PLCL1: variants seen among roughly 807,000 people sequenced by gnomAD.
The protein encoded by PLCL1 is inactive phospholipase C-like protein 1.
PLCL1 carries 41 observed loss-of-function variants against 84.4 expected under a neutral mutation model. That is an observed-to-expected ratio of 0.49 (90% CI 0.38 to 0.63). PLCL1 has a LOEUF of 0.63. Among genes scored for constraint, PLCL1 ranks in the 30% least tolerant of loss-of-function variants. PLCL1 has a pLI of 0.00. For synonymous variants in PLCL1, 490 were observed against 488.3 expected (o/e 1.00, Z -0.05); for missense variants, 1,206 against 1,367.8 (o/e 0.88, Z 1.87).
intron 1 of PLCL1, among the ~76,000 whole-genome samples, chr2:197,816,832 T>C (rs1262628719): frequency 6.6e-6 from 1 of 152,184 alleles, no homozygotes; most frequent in African/African-American, 2.4e-5. Flanking sequence ...GGAACATGTT[T>C]AATATTTGTT....
intron 5 of PLCL1, among the ~76,000 whole-genome samples, chr2:198,108,652 A>G (rs1693547051): frequency 1.3e-5 from 2 of 152,066 alleles, no homozygotes; most frequent in South Asian, 2.1e-4. Context: ...AATATAATGA[A>G]TAAGAATTAT....
At chr2:198,028,564 T>TGACATTTTTCCCC (rs1008083231) in intron 1 of PLCL1, among the ~76,000 whole-genome samples, 4 of 152,216 alleles carry the variant, frequency 2.6e-5, no homozygotes, top group African/African-American at 9.6e-5. Context: ...TCCTTTTCTC[T>TGACATTTTTCCCC]GACATTTTTC....
At chr2:198,144,386 A>G (rs1220228898) in intron 5 of PLCL1, among the ~76,000 whole-genome samples, 3 of 152,202 alleles carry the variant, frequency 2.0e-5, no homozygotes, top group African/African-American at 7.2e-5. Context: ...ATATAGTAGT[A>G]CATATACATT....
intron 1 of PLCL1, among the ~76,000 whole-genome samples, chr2:197,962,634 A>T (rs910420653): frequency 2.0e-5 from 3 of 152,166 alleles, no homozygotes; most frequent in Non-Finnish European, 2.9e-5. Context: ...AAAATGTATA[A>T]TACATTATTG....
At chr2:197,985,459 A>G (rs1362310188) in intron 1 of PLCL1, among the ~76,000 whole-genome samples, 3 of 152,208 alleles carry the variant, frequency 2.0e-5, no homozygotes, top group African/African-American at 7.2e-5. Context: ...CTCACTTCAT[A>G]TAGGATGAAG....
rs377313550 is a variant in PLCL1, at chr2:198,082,099, T to C, written c.241-1659T>C. 1.1e-4 allele frequency among the ~76,000 whole-genome samples: 16 copies of C among 152,352 alleles called. No individual in the cohort carries two copies. The South Asian group carries it at 2.1e-3, about 20-fold the overall frequency. ...TACAGTTACTGGGTGTAAAAGGCAA[T>C]GCTCCTCTTCCTTTGAAAAGCATAA... On this transcript the variant is annotated intron_variant, in intron 1 of 5. Coordinates refer to ENST00000428675, the MANE Select transcript of PLCL1 (RefSeq NM_006226.4).
intron 3 of PLCL1, among the ~76,000 whole-genome samples, chr2:198,099,257 T>G (rs1435872076): frequency 1.3e-5 from 2 of 152,084 alleles, no homozygotes; most frequent in Non-Finnish European, 2.9e-5. Context: ...CTTTGTATTT[T>G]ATTTCCATCA....
intron 1 of PLCL1, among the ~76,000 whole-genome samples, chr2:198,073,160 C>T (rs765798963): frequency 5.0e-4 from 76 of 152,042 alleles, no homozygotes; most frequent in African/African-American, 2.2e-4. Flanking sequence ...TCTATCAGTA[C>T]GATATTTATG....
chr2:198,084,303 C>G lies in PLCL1; in HGVS notation c.786C>G (p.Asp262Glu), dbSNP rs1559097943. 3.1e-6 allele frequency: 5 copies of G among 1,614,034 alleles called. No individual in the cohort carries two copies. Among genetic ancestry groups the G allele is most frequent in the Non-Finnish European group, 3.4e-6 (4 of 1,179,912 alleles). The change falls in exon 2 of 6, where the codon GAC becomes GAG. Residue 262 changes from aspartate (D) to glutamate (E), a missense_variant. Physicochemically the swap from Asp to Glu is conservative, Grantham distance 45. Transcript: ENST00000428675. ...DVDGNGIMLE[D>E]TSVELIKQLN... ...ATGGGAATGGGATTATGTTGGAAGA[C>G]ACCTCTGTAGAGTTAATAAAACAAC...
intron 1 of PLCL1, among the ~76,000 whole-genome samples, chr2:197,808,109 G>A (rs1574889421): frequency 6.6e-6 from 1 of 152,032 alleles, no homozygotes; most frequent in African/African-American, 2.4e-5. Flanking sequence ...GTTTAAAAAC[G>A]TTCAATGTGA....
At chr2:198,125,677 A>C (rs1340504576) in intron 5 of PLCL1, among the ~76,000 whole-genome samples, 1 of 152,174 alleles carries the variant, frequency 6.6e-6, no homozygotes, top group Non-Finnish European at 1.5e-5. Flanking sequence ...GCTGAGGATT[A>C]TAAAATATAA....
intron 1 of PLCL1, among the ~76,000 whole-genome samples, chr2:198,039,005 T>C (rs1691603747): frequency 6.6e-6 from 1 of 152,158 alleles, no homozygotes; most frequent in South Asian, 2.1e-4. Context: ...ATATTGCTTT[T>C]TTGAAATACT....
chr2:198,143,167 G>C (rs1172910911), intron 5 of PLCL1, among the ~76,000 whole-genome samples: 1 of 152,084 alleles, frequency 6.6e-6, no homozygotes, highest in Admixed American at 6.5e-5. Context: ...GAATACCATG[G>C]TGGGTGTCGG....
At chr2:197,827,460 C>T (rs1206769559) in intron 1 of PLCL1, among the ~76,000 whole-genome samples, 4 of 151,844 alleles carry the variant, frequency 2.6e-5, no homozygotes, top group East Asian at 1.9e-4. Flanking sequence ...GTGCTTTCTT[C>T]GAAACTGGCA....
chr2:198,070,118 G>A (rs1444847119), intron 1 of PLCL1, among the ~76,000 whole-genome samples: 5 of 152,070 alleles, frequency 3.3e-5, no homozygotes, highest in African/African-American at 1.2e-4. Flanking sequence ...TGATGATTGT[G>A]GTTGAAATTT....
rs151289262 is a variant in PLCL1 at position 198,123,692 on chromosome 2, G to A, written c.3105+19756G>A. ...CAAACCTCGCTCCGTAACCTGTTAGGAACCAGACCATGCAGCAATGAGCAT... is the reference window on the plus strand; with the variant it reads ...CAAACCTCGCTCCGTAACCTGTTAGAAACCAGACCATGCAGCAATGAGCAT... On this transcript the variant is annotated intron_variant, in intron 5 of 5. Transcript: ENST00000428675. Among the ~76,000 whole-genome samples the A allele has an allele frequency of 5.2e-3, 794 of 152,122 alleles. 11 individuals carry two copies. The highest frequency in any genetic ancestry group is 0.018 in the African/African-American group (754 of 41,498).
intron 1 of PLCL1, among the ~76,000 whole-genome samples, chr2:197,960,718 A>G (rs1223331510): frequency 6.6e-6 from 1 of 152,068 alleles, no homozygotes; most frequent in Non-Finnish European, 1.5e-5. Context: ...TTTTCTTTTC[A>G]TGTTAAAATG....
chr2:198,118,345 T>C (rs564330387), intron 5 of PLCL1, among the ~76,000 whole-genome samples: 1 of 152,032 alleles, frequency 6.6e-6, no homozygotes, highest in African/African-American at 2.4e-5. Flanking sequence ...ATAATTTTGT[T>C]CTAGAGATTC....
intron 1 of PLCL1, among the ~76,000 whole-genome samples, chr2:197,820,612 G>A (rs1690796663): frequency 6.6e-6 from 1 of 152,052 alleles, no homozygotes; most frequent in Non-Finnish European, 1.5e-5. Flanking sequence ...TGCTGACATT[G>A]GGATCAACTG....
Sources: gnomAD v4.1 joint callset for allele counts (sites outside exome capture counted in the v4.1 genomes callset) on GRCh38, gnomAD v4.1.1 for gene constraint, MANE v1.5 for transcripts, NCBI Gene and HGNC (gene_info 2026-07-23, HGNC 2026-07-21) for gene names.